SSC5D: variants seen among roughly 807,000 people sequenced by gnomAD.
SSC5D encodes scavenger receptor cysteine rich family member with 5 domains, also known as soluble scavenger receptor cysteine-rich domain-containing protein SSC5D.
In SSC5D, 106 loss-of-function variants were observed where a neutral mutation model predicts 104.6. The observed-to-expected ratio is 1.01, with a 90% CI of 0.87 to 1.19. The LOEUF is 1.19. Among genes scored for constraint, SSC5D ranks in the 50% most tolerant of loss-of-function variants. The pLI is 0.00. For missense variants in SSC5D, 1,993 were observed against 2,153.8 expected, an observed-to-expected ratio of 0.93 and a Z score of 1.48; for synonymous variants, 860 against 883.5, an observed-to-expected ratio of 0.97 and a Z score of 0.47.
chr19:55,508,231 G>A (rs1421834639), intron 12 of SSC5D, among the ~76,000 whole-genome samples: 1 of 152,154 alleles, frequency 6.6e-6, no homozygotes, highest in Non-Finnish European at 1.5e-5. Flanking sequence ...TGTAGTTCCC[G>A]CCACTGCCAG....
chr19:55,507,631 A>C (rs568407305), intron 12 of SSC5D, among the ~76,000 whole-genome samples: 1 of 131,852 alleles, frequency 7.6e-6, no homozygotes, highest in South Asian at 2.5e-4. Context: ...CCGCCACTGC[A>C]CTCCAGCCTG....
Position 55,518,076 on chromosome 19 carries a change from C to A in SSC5D, c.3800C>A (p.Thr1267Asn). The A allele has an allele frequency of 6.7e-7, 1 of 1,496,472 alleles. No homozygotes were observed. The highest frequency in any genetic ancestry group is 9.0e-7 in the Non-Finnish European group (1 of 1,108,814). 92.7% of individuals were successfully genotyped at this position (1,496,472 alleles called of 1,614,324 possible). A position where few individuals can be genotyped will look rare whatever the true frequency, so the allele number is the denominator to read the frequency against. ...CCCACCACAACCCCTCAACCCTTCA[C>A]CACCATGCAGCCCACCACGATGCCT... ...PDPTTTPQPF[T>N]TMQPTTMPHP... Residue 1267 changes from threonine to asparagine, a missense_variant, in exon 14 of 14, where the codon ACC (threonine) becomes AAC (asparagine). Around this residue, in one of 6 missense-constraint regions of SSC5D, gnomAD observed 349 missense variants for 397.6 expected, o/e 0.88. Transcript: ENST00000389623.
In SSC5D at chr19:55,500,735, G is replaced by A. The variant is rs888118455; in HGVS notation, c.2548G>A (p.Asp850Asn). The A allele has an allele frequency of 6.9e-5, 107 of 1,551,688 alleles. No homozygotes were observed. Among genetic ancestry groups the A allele is most frequent in the Middle Eastern group, 5.0e-4 (3 of 5,994 alleles). Residue 850 changes from aspartate to asparagine, a missense_variant, in exon 11 of 14, where the codon GAC (aspartate) becomes AAC (asparagine). Asp to Asn is a conservative substitution (Grantham distance 23). This residue lies in a region of SSC5D where 423 missense variants were observed against 409.2 expected (regional missense o/e 1.03). Transcript: ENST00000389623. This position sits in a 1 kb window ranked among gnomAD's most constrained non-coding sequence, Gnocchi z 4.6. ...GCKGSEASLS[D>N]CPSGAWGKHN... ...TAAGGGAAGCGAGGCCTCACTGAGC[G>A]ACTGCCCCTCGGGGGCTTGGGGGAA...
At chr19:55,493,935 C>T in intron 7 of SSC5D, 23 bp downstream of exon 7, 3 of 1,091,230 alleles carry the variant, frequency 2.7e-6, no homozygotes, top group Non-Finnish European at 2.3e-6. Context: ...TGGTGGAGGA[C>T]CGGGAGGTGG....
chr19:55,493,663 G>C lies in SSC5D; in HGVS notation c.964G>C (p.Gly322Arg). The stretch of plus-strand genomic sequence containing the variant: ...CGCCGGCCGCCTGGAGGTCTGGCAC[G>C]GGGGTCGCTGGGGGTCGGTGTGTGA... ...GCAGRLEVWH[G>R]GRWGSVCDDA... The change falls in exon 7 of 14, where the codon GGG (glycine) becomes CGG (arginine). Residue 322 changes from glycine (G) to arginine (R), a missense_variant. This residue lies in a region of SSC5D where 1,101 missense variants were observed against 1,085.0 expected (regional missense o/e 1.01). Coordinates refer to ENST00000389623, the MANE Select transcript of SSC5D (RefSeq NM_001144950.2). 6.6e-7 allele frequency: 1 copy of C among 1,505,222 alleles called. No homozygotes were observed. Among genetic ancestry groups the C allele is most frequent in the Non-Finnish European group, 8.8e-7 (1 of 1,134,268 alleles). The allele number at this position is 1,505,222 out of a possible 1,614,324, so 93.2% of individuals were successfully genotyped here.
chr19:55,501,673 A>G (rs972953950), intron 12 of SSC5D, among the ~76,000 whole-genome samples: 2 of 152,150 alleles, frequency 1.3e-5, no homozygotes, highest in East Asian at 3.9e-4. Context: ...TCTGGCCAGC[A>G]GAATCAGCCT....
intron 12 of SSC5D, among the ~76,000 whole-genome samples, chr19:55,506,852 G>C (rs548528569): frequency 6.6e-6 from 1 of 152,174 alleles, no homozygotes; most frequent in South Asian, 2.1e-4. Flanking sequence ...GGAAGGGGCA[G>C]GGGAGACTGA....
At chr19:55,509,138 A>G (rs936950140) in intron 12 of SSC5D, among the ~76,000 whole-genome samples, 1 of 152,134 alleles carries the variant, frequency 6.6e-6, no homozygotes, top group Admixed American at 6.5e-5. Context: ...TAGCTGTGTT[A>G]CCCCAAGAAA....
intron 13 of SSC5D, among the ~76,000 whole-genome samples, chr19:55,516,056 G>A (rs1211644419): frequency 1.3e-5 from 2 of 152,136 alleles, no homozygotes; most frequent in Non-Finnish European, 2.9e-5. Flanking sequence ...CCCCAGAAGA[G>A]GGTCAGGCTC....
chr19:55,490,225 G>A (rs1015692893), intron 4 of SSC5D, 73 bp from the exon 5 acceptor site: 5 of 651,462 alleles, frequency 7.7e-6, no homozygotes, highest in Middle Eastern at 3.6e-4. Context: ...CCTCAGAGAC[G>A]GAGGCCTGGG....
intron 8 of SSC5D, 25 bp downstream of exon 8, chr19:55,494,808 A>G: frequency 2.0e-6 from 3 of 1,515,832 alleles, no homozygotes; most frequent in Middle Eastern, 1.7e-4. Context: ...GCTCCCCAAG[A>G]AAACAGGGTC....
Position 55,500,437 on chromosome 19 carries a change from G to A in SSC5D, c.2302+25G>A. 1.3e-6 allele frequency: 2 copies of A among 1,548,236 alleles called. No individual in the cohort carries two copies. The highest frequency in any genetic ancestry group is 1.7e-6 in the Non-Finnish European group (2 of 1,144,516). ...GGTGAGTGGCCGTGAGGGGTGTGGG[G>A]AGAGAATGGGAGAGGCTGACCCTCC... On this transcript the variant is annotated intron_variant, in intron 10 of 13. Coordinates refer to ENST00000389623, the MANE Select transcript of SSC5D (RefSeq NM_001144950.2). The surrounding 1 kb of genome is among the most constrained non-coding windows in gnomAD (Gnocchi z 4.6).
Position 55,494,729 on chromosome 19 carries a change from G to A in SSC5D, c.1333G>A (p.Val445Ile), listed in dbSNP as rs773850387. 5.2e-5 allele frequency: 80 copies of A among 1,550,060 alleles called. No individual in the cohort carries two copies. The highest frequency in any genetic ancestry group is 3.3e-4 in the South Asian group (28 of 84,014). The change falls in exon 8 of 14, where the codon GTT (valine) becomes ATT (isoleucine). Residue 445 changes from valine to isoleucine, a missense_variant. Val to Ile is a conservative substitution (Grantham distance 29). Coordinates refer to ENST00000389623, the MANE Select transcript of SSC5D (RefSeq NM_001144950.2). The part of the protein sequence containing the change: ...MTSQAPGTAG[V>I]SPPPASPTVL... ...GAGCCAGGCTCCAGGGACGGCAGGC[G>A]TTTCACCTCCTCCAGCCTCCCCTAC...
Position 55,515,296 on chromosome 19 carries a change from G to A in SSC5D, c.2948-1928G>A, listed in dbSNP as rs141595424. 1.7e-3 allele frequency among the ~76,000 whole-genome samples: 250 copies of A among 150,474 alleles called. 4 individuals carry two copies. The East Asian group carries it at 0.027, about 16-fold the overall frequency. On this transcript the variant is annotated intron_variant, in intron 13 of 13. Transcript: ENST00000389623. ...CTGTCATCCCAGCTACTCAGGAAGT[G>A]GACACAGGAGAATCACTTGAACCCA...
chr19:55,493,994 G>GCCCCCC, intron 7 of SSC5D, 82 bp downstream of exon 7: 4 of 143,308 alleles, frequency 2.8e-5, no homozygotes, highest in East Asian at 2.4e-4. Context: ...GGGCGGGGGG[G>GCCCCCC]TCCCTACGCG....
Position 55,488,614 on chromosome 19 carries a change from G to GT in SSC5D, c.25_25+1insT (p.Ala9ValfsTer10), listed in dbSNP as rs1987021316. ...CATGAGGGTCTTGGCCTGCCTCCTT[G>GT]GTGAGTGATCCATTCTCCTTGGGGA... On this transcript the variant is annotated frameshift_variant and splice_region_variant. Transcript: ENST00000389623. LOFTEE classifies it high-confidence loss of function. The GT allele has an allele frequency of 3.2e-6, 5 of 1,549,928 alleles. No homozygotes were observed. Among genetic ancestry groups the GT allele is most frequent in the Non-Finnish European group, 3.5e-6 (4 of 1,146,406 alleles).
chr19:55,501,473 C>G (rs770574361), intron 12 of SSC5D, among the ~76,000 whole-genome samples: 4 of 152,200 alleles, frequency 2.6e-5, no homozygotes, highest in Non-Finnish European at 5.9e-5. Flanking sequence ...ATATGCAAGC[C>G]TGGGGCCCTC....
chr19:55,512,877 C>A, intron 12 of SSC5D, 134 bp from the exon 13 acceptor site: 1 of 1,078,294 alleles, frequency 9.3e-7, no homozygotes, highest in Non-Finnish European at 1.4e-6. Context: ...TCCACGAGGT[C>A]AGGTAGGGCT....
At chr19:55,495,233 A>ATATATATATATATATATATT (rs1555765051) in intron 8 of SSC5D, among the ~76,000 whole-genome samples, 5 of 50,662 alleles carry the variant, frequency 9.9e-5, no homozygotes, top group Admixed American at 6.4e-4. Flanking sequence ...ATATATATAT[A>ATATATATATATATATATATT]TTTTTTTTTT....
Sources: gnomAD v4.1 joint callset for allele counts (sites outside exome capture counted in the v4.1 genomes callset) on GRCh38, gnomAD v4.1.1 for gene constraint, gnomAD v4.1.1 regional missense constraint, Gnocchi (gnomAD v3.1) non-coding constraint, MANE v1.5 for transcripts, NCBI Gene and HGNC (gene_info 2026-07-23, HGNC 2026-07-21) for gene names.